The following SMAD2 variants were observed in gnomAD, a reference collection of about 807,000 sequenced individuals.
SMAD2 encodes SMAD family member 2.
A neutral mutation model predicts 64.4 loss-of-function variants in SMAD2; 8 were observed. The ratio of observed to expected loss-of-function variants is 0.12; its 90% confidence interval spans 0.07 to 0.22. The LOEUF (loss-of-function observed/expected upper bound fraction) is 0.22. Among genes scored for constraint, SMAD2 ranks in the 10% least tolerant of loss-of-function variants. The pLI is 1.00. For missense variants in SMAD2, 289 were observed against 561.2 expected (o/e 0.51, Z 4.90); for synonymous variants, 203 against 195.8 (o/e 1.04, Z -0.31).
intron 1 of SMAD2, among the ~76,000 whole-genome samples, chr18:47,909,760 T>G (rs1250681809): frequency 2.0e-5 from 3 of 152,212 alleles, no homozygotes. Context: ...TGAAGTCAAG[T>G]ACCCTGCCAG....
rs1322271574 is a variant in SMAD2 at position 47,834,817 on chromosome 18, G to T, written c.*7010C>A. The T allele has an allele frequency of 4.6e-6, 1 of 218,554 alleles. No individual in the cohort carries two copies. Among genetic ancestry groups the T allele is most frequent in the Admixed American group, 5.8e-5 (1 of 17,256 alleles). The allele number at this position is 218,554 out of a possible 1,614,324, so 13.5% of individuals were successfully genotyped here. ...CTCTTTTTGCAATTAATCCAGTTTT[G>T]TATGTCTTTTCTTTCTTTTTTAGGT... is the stretch of plus-strand genomic sequence containing the variant. On this transcript the variant is annotated 3_prime_UTR_variant, in exon 11 of 11. Transcript: ENST00000262160.
chr18:47,816,787 G>A lies in SMAD2; in HGVS notation c.*25040C>T, dbSNP rs867107903. The A allele has an allele frequency of 3.1e-5, 4 of 129,694 alleles. No homozygotes were observed. Among genetic ancestry groups the A allele is most frequent in the South Asian group, 5.0e-4 (2 of 4,008 alleles). The allele number at this position is 129,694 out of a possible 1,614,324, so 8.0% of individuals were successfully genotyped here. A position where few individuals can be genotyped will look rare whatever the true frequency, so the allele number is the denominator to read the frequency against. On this transcript the variant is annotated 3_prime_UTR_variant, in exon 11 of 11. Coordinates refer to ENST00000262160, the MANE Select transcript of SMAD2 (RefSeq NM_005901.6). The stretch of plus-strand genomic sequence containing the variant: ...GTCTTTTTTTTTTTTTTTTGGAGAC[G>A]TAGTTTTGCACTGTCGCCCAGGCTG...
At position 47,832,690 on chromosome 18, in the gene SMAD2, C is replaced by A. The variant is rs1913046822; in HGVS notation, c.*9137G>T. On this transcript the variant is annotated 3_prime_UTR_variant, in exon 11 of 11. Coordinates refer to ENST00000262160, the MANE Select transcript of SMAD2 (RefSeq NM_005901.6). ...TCTTATCTAGTATTTTTCAATGGAG[C>A]CTTAAAAATGTTATTTTGTTAAAAG... 2 of 151,780 alleles carry A rather than the reference C, an allele frequency of 1.3e-5. No individual in the cohort carries two copies. The highest frequency in any genetic ancestry group is 2.9e-5 in the Non-Finnish European group (2 of 67,976). 9.4% of individuals were successfully genotyped at this position (151,780 alleles called of 1,614,324 possible).
intron 2 of SMAD2, among the ~76,000 whole-genome samples, chr18:47,877,854 G>A (rs1765085819): frequency 6.6e-6 from 1 of 152,112 alleles, no homozygotes. Context: ...AATATATTAA[G>A]AAATTTATTT....
chr18:47,930,288 C>A (rs553759548), intron 1 of SMAD2, 73 bp downstream of exon 1: 1 of 152,330 alleles, frequency 6.6e-6, no homozygotes, highest in Non-Finnish European at 1.5e-5. Context: ...CCATGTGACA[C>A]GGCCCATCGC....
intron 8 of SMAD2, among the ~76,000 whole-genome samples, chr18:47,847,432 T>G (rs570328205): frequency 1.3e-5 from 2 of 152,214 alleles, no homozygotes; most frequent in Admixed American, 1.3e-4. Context: ...ATGAGAATGA[T>G]GTTCAATTAT....
chr18:47,875,640 CTAAGAT>C (rs2032220600), intron 2 of SMAD2, among the ~76,000 whole-genome samples: 2 of 152,192 alleles, frequency 1.3e-5, no homozygotes, highest in South Asian at 4.1e-4. Flanking sequence ...TTTCACTAAT[CTAAGAT>C]TATCTACTTT....
intron 6 of SMAD2, among the ~76,000 whole-genome samples, chr18:47,856,009 A>G (rs778588395): frequency 2.6e-5 from 4 of 152,142 alleles, no homozygotes; most frequent in African/African-American, 4.8e-5. Context: ...GGAGGGTTAT[A>G]CACACAATTG....
Position 47,810,146 on chromosome 18 carries a change from C to G in SMAD2, c.*31681G>C, listed in dbSNP as rs1316259465. ...AAGATACCACAGCCCAGGTAGCCAG[C>G]CTGGGAAATGGTTTCTCATACTGCA... is the stretch of plus-strand genomic sequence containing the variant. On this transcript the variant is annotated 3_prime_UTR_variant, in exon 11 of 11. Coordinates refer to ENST00000262160, the MANE Select transcript of SMAD2 (RefSeq NM_005901.6). The G allele has an allele frequency of 6.6e-6, 1 of 152,142 alleles. No homozygotes were observed. Among genetic ancestry groups the G allele is most frequent in the Non-Finnish European group, 1.5e-5 (1 of 68,034 alleles). 9.4% of individuals were successfully genotyped at this position (152,142 alleles called of 1,614,324 possible).
rs1239631809 is a variant in SMAD2, at chr18:47,896,656, T to A, written c.101A>T (p.Asn34Ile). Reference protein sequence around the residue: ...GSGGAGGGEQNGQEEKWCEKA... With the variant: ...GSGGAGGGEQIGQEEKWCEKA... ...CTCACACCACTTTTCTTCCTGCCCATTCTGCTCTCCTCCGCCTGCTCCTCC... is the reference window on the plus strand; with the variant it reads ...CTCACACCACTTTTCTTCCTGCCCAATCTGCTCTCCTCCGCCTGCTCCTCC... Residue 34 changes from asparagine to isoleucine, a missense_variant, in exon 2 of 11, where the codon AAT becomes ATT. Physicochemically the swap from Asn to Ile is moderately radical, Grantham distance 149 (BLOSUM62 -3). This residue lies in a region of SMAD2 where 89 missense variants were observed against 137.1 expected (regional missense o/e 0.65). Transcript: ENST00000262160. The A allele has an allele frequency of 6.2e-7, 1 of 1,614,186 alleles. No homozygotes were observed. Among genetic ancestry groups the A allele is most frequent in the Non-Finnish European group, 8.5e-7 (1 of 1,180,026 alleles).
rs1471870398 is a variant in SMAD2 at position 47,848,548 on chromosome 18, T to G, written c.924A>C (p.Ser308=). 2 of 1,613,968 alleles carry G rather than the reference T, an allele frequency of 1.2e-6. No homozygotes were observed. The highest frequency in any genetic ancestry group is 1.7e-6 in the Non-Finnish European group (2 of 1,179,946). ...AGAGTAAACCTAAGCAGAACCTCTC[T>G]GAATTTGATGGGTCTGTAAAGCCAT... ...TVDGFTDPSN[S]ERFCLGLLSN... is the part of the protein sequence containing the mutation. The change falls in exon 8 of 11, where the codon TCA becomes TCC. Residue 308 remains serine, a synonymous_variant. Transcript: ENST00000262160.
intron 1 of SMAD2, among the ~76,000 whole-genome samples, chr18:47,919,006 G>C (rs2034448394): frequency 1.3e-5 from 2 of 151,986 alleles, no homozygotes; most frequent in Non-Finnish European, 2.9e-5. Flanking sequence ...CAGTAAAACA[G>C]ATGAAAACAA....
At chr18:47,850,194 T>C (rs1453625358) in intron 7 of SMAD2, among the ~76,000 whole-genome samples, 2 of 96,472 alleles carry the variant, frequency 2.1e-5, no homozygotes, top group East Asian at 5.6e-4. Context: ...ATATTATATA[T>C]AGTATATATA....
Position 47,823,234 on chromosome 18 carries a change from C to T in SMAD2, c.*18593G>A, listed in dbSNP as rs968294077. On this transcript the variant is annotated 3_prime_UTR_variant, in exon 11 of 11. Coordinates refer to ENST00000262160, the MANE Select transcript of SMAD2 (RefSeq NM_005901.6). ...AGGTAAAATCTAAAGTCTACCTTGA[C>T]TTAGCTTCTTAGCCTCAAGGAGGTT... is the stretch of plus-strand genomic sequence containing the variant. The T allele has an allele frequency of 4.6e-5, 7 of 152,146 alleles. No individual in the cohort carries two copies. The highest frequency in any genetic ancestry group is 1.4e-4 in the African/African-American group (6 of 41,430). The allele number at this position is 152,146 out of a possible 1,614,324, so 9.4% of individuals were successfully genotyped here.
At chr18:47,900,317 A>G (rs1225676889) in intron 1 of SMAD2, among the ~76,000 whole-genome samples, 1 of 152,140 alleles carries the variant, frequency 6.6e-6, no homozygotes, top group Non-Finnish European at 1.5e-5. Flanking sequence ...CAATAGCTAC[A>G]CAAAGGTGCT....
At chr18:47,850,306 T>TTTATA (rs1915089576) in intron 7 of SMAD2, among the ~76,000 whole-genome samples, 1 of 39,966 alleles carries the variant, frequency 2.5e-5, no homozygotes, top group Non-Finnish European at 4.1e-5. Flanking sequence ...ATATATATTA[T>TTTATA]GTATGTTATA....
In SMAD2 at chr18:47,820,541, G is replaced by A. The variant is rs1185120241; in HGVS notation, c.*21286C>T. On this transcript the variant is annotated 3_prime_UTR_variant, in exon 11 of 11. Transcript: ENST00000262160. ...ATATGAAGGAAGTTAATGGGTGTGA[G>A]AATGTACCTTTGGTAAGGAAGGTTA... 1 of 152,172 alleles carries A rather than the reference G, an allele frequency of 6.6e-6. No individual in the cohort carries two copies. Among genetic ancestry groups the A allele is most frequent in the Non-Finnish European group, 1.5e-5 (1 of 68,034 alleles). 9.4% of individuals were successfully genotyped at this position (152,172 alleles called of 1,614,324 possible). A position where few individuals can be genotyped will look rare whatever the true frequency, so the allele number is the denominator to read the frequency against.
chr18:47,865,265 T>C, intron 5 of SMAD2, 132 bp from the exon 6 acceptor site: 1 of 612,242 alleles, frequency 1.6e-6, no homozygotes, highest in South Asian at 2.0e-5. Flanking sequence ...TAAAAAGTAA[T>C]ATTGCATACT....
rs924022425 is a variant in SMAD2 at position 47,811,695 on chromosome 18, T to G, written c.*30132A>C. On this transcript the variant is annotated 3_prime_UTR_variant, in exon 11 of 11. Transcript: ENST00000262160. ...AGACAATGAGAGCAGCTGATCAAAA[T>G]GGAACCCTATGAAAGGCAAAGAGCA... is the stretch of plus-strand genomic sequence containing the variant. 1 of 152,026 alleles carries G rather than the reference T, an allele frequency of 6.6e-6. No homozygotes were observed. Among genetic ancestry groups the G allele is most frequent in the South Asian group, 2.1e-4 (1 of 4,812 alleles). The allele number at this position is 152,026 out of a possible 1,614,324, so 9.4% of individuals were successfully genotyped here. A position where few individuals can be genotyped will look rare whatever the true frequency, so the allele number is the denominator to read the frequency against.
Sources: allele counts gnomAD v4.1 joint callset (sites outside exome capture counted in the v4.1 genomes callset), GRCh38; gene constraint gnomAD v4.1.1; regional missense constraint gnomAD v4.1.1; transcripts MANE v1.5; gene names NCBI Gene and HGNC (gene_info 2026-07-23, HGNC 2026-07-21).